Variants in MND1 observed in about 807,000 individuals in gnomAD.
MND1 encodes the protein meiotic nuclear division protein 1 homolog.
In MND1, 28 loss-of-function variants were observed where a neutral mutation model predicts 35.1. The observed-to-expected ratio is 0.80, with a 90% CI of 0.59 to 1.09. The LOEUF is 1.09. Ranked by LOEUF, MND1 falls within the 50% of genes least tolerant of loss-of-function variation. The pLI, the probability that MND1 is intolerant of heterozygous loss-of-function variation, is 0.00. For missense variants in MND1, 213 were observed against 239.6 expected, an observed-to-expected ratio of 0.89 and a Z score of 0.73; for synonymous variants, 69 against 70.5, an observed-to-expected ratio of 0.98 and a Z score of 0.11.
intron 4 of MND1, among the ~76,000 whole-genome samples, chr4:153,377,948 TC>T (rs1308912277): frequency 6.6e-6 from 1 of 152,210 alleles, no homozygotes; most frequent in African/African-American, 2.4e-5. Context: ...GCTGTGACTG[TC>T]TTTTATATAT....
chr4:153,377,832 T>C lies in MND1; in HGVS notation c.277-16430T>C, dbSNP rs1030355630. ...TTACATGCTGTGCCTGGCTTTTTTC[T>C]TTTTCTTTATCTATAATGGACCAAT... is the stretch of plus-strand genomic sequence containing the variant. On this transcript the variant is annotated intron_variant, in intron 4 of 7. Coordinates refer to ENST00000240488, the MANE Select transcript of MND1 (RefSeq NM_032117.4). Among the ~76,000 whole-genome samples, 22 of 152,198 alleles carry C rather than the reference T, an allele frequency of 1.4e-4. 1 individual carries two copies. Among genetic ancestry groups the C allele is most frequent in the Admixed American group, 1.4e-3 (22 of 15,272 alleles).
intron 2 of MND1, among the ~76,000 whole-genome samples, chr4:153,354,293 G>T (rs971890300): frequency 1.3e-5 from 2 of 152,160 alleles, no homozygotes; most frequent in Admixed American, 1.3e-4. Flanking sequence ...TTTAGGTATA[G>T]CTCTTCCATG....
intron 1 of MND1, among the ~76,000 whole-genome samples, chr4:153,348,730 C>CA (rs1773135717): frequency 6.6e-6 from 1 of 151,974 alleles, no homozygotes; most frequent in African/African-American, 2.4e-5. Context: ...AGGCTGGTCT[C>CA]AAACTCCCAG....
At chr4:153,396,033 C>T (rs1489020958) in intron 5 of MND1, among the ~76,000 whole-genome samples, 1 of 152,012 alleles carries the variant, frequency 6.6e-6, no homozygotes, top group Non-Finnish European at 1.5e-5. Context: ...TGACAGTGTT[C>T]CTTTTGAAGC....
intron 5 of MND1, among the ~76,000 whole-genome samples, chr4:153,395,766 T>G (rs1729182456): frequency 6.6e-6 from 1 of 152,226 alleles, no homozygotes; most frequent in South Asian, 2.1e-4. Flanking sequence ...GGCAAAGATC[T>G]CAGTGATAGT....
At position 153,344,726 on chromosome 4, in the gene MND1, T is replaced by G; in HGVS notation, c.-12T>G. ...CGCGGGCCCGGCCAGCGGAAGCCCC[T>G]GCGCCCGCGCCATGGTAAGGACTGA... On this transcript the variant is annotated 5_prime_UTR_variant, in exon 1 of 8. Coordinates refer to ENST00000240488, the MANE Select transcript of MND1 (RefSeq NM_032117.4). 1 of 1,593,880 alleles carries G rather than the reference T, an allele frequency of 6.3e-7. No homozygotes were observed. Among genetic ancestry groups the G allele is most frequent in the South Asian group, 1.1e-5 (1 of 88,254 alleles).
At chr4:153,386,965 C>G (rs975063192) in intron 4 of MND1, among the ~76,000 whole-genome samples, 2 of 152,136 alleles carry the variant, frequency 1.3e-5, no homozygotes, top group Non-Finnish European at 2.9e-5. Context: ...GGTGGAAAGG[C>G]AAATGAGGAT....
intron 6 of MND1, among the ~76,000 whole-genome samples, chr4:153,404,717 G>C (rs562700500): frequency 3.9e-5 from 6 of 151,996 alleles, no homozygotes; most frequent in Non-Finnish European, 8.8e-5. Flanking sequence ...GACCTCCGGT[G>C]ATCTGCCCGC....
intron 3 of MND1, among the ~76,000 whole-genome samples, chr4:153,357,172 C>T (rs1222362151): frequency 6.6e-6 from 1 of 151,902 alleles, no homozygotes; most frequent in Non-Finnish European, 1.5e-5. Flanking sequence ...TGTGTTGTTT[C>T]AAAATGAAAA....
At chr4:153,405,920 T>A (rs1008497813) in intron 6 of MND1, among the ~76,000 whole-genome samples, 1 of 152,112 alleles carries the variant, frequency 6.6e-6, no homozygotes, top group Non-Finnish European at 1.5e-5. Context: ...TTCTCCTGCC[T>A]CAACCTCCGA....
At chr4:153,368,447 C>T (rs886093374) in intron 4 of MND1, among the ~76,000 whole-genome samples, 11 of 152,200 alleles carry the variant, frequency 7.2e-5, no homozygotes, top group African/African-American at 2.7e-4. Flanking sequence ...AAAAAATACT[C>T]ATCTTTCCAG....
chr4:153,409,009 T>C lies in MND1; in HGVS notation c.505T>C (p.Trp169Arg), dbSNP rs2149659988. The part of the protein sequence containing the change: ...NKVAKEAANR[W>R]TDNIFAIKSW... ...AGTAGCCAAAGAAGCTGCTAACAGA[T>C]GGACTGGTATGTACTATAATAATGC... is the stretch of plus-strand genomic sequence containing the variant. Residue 169 changes from tryptophan to arginine, a missense_variant, in exon 7 of 8, where the codon TGG becomes CGG. Coordinates refer to ENST00000240488, the MANE Select transcript of MND1 (RefSeq NM_032117.4). 2 of 1,360,970 alleles carry C rather than the reference T, an allele frequency of 1.5e-6. No individual in the cohort carries two copies. The highest frequency in any genetic ancestry group is 2.0e-5 in the South Asian group (1 of 49,682). The allele number at this position is 1,360,970 out of a possible 1,614,324, so 84.3% of individuals were successfully genotyped here.
chr4:153,352,400 T>G (rs1337528679), intron 2 of MND1, among the ~76,000 whole-genome samples: 1 of 152,160 alleles, frequency 6.6e-6, no homozygotes. Flanking sequence ...ACTGAAAGCT[T>G]GCATCTGGAA....
intron 1 of MND1, among the ~76,000 whole-genome samples, chr4:153,349,843 C>T (rs1773166981): frequency 6.6e-6 from 1 of 152,158 alleles, no homozygotes; most frequent in Non-Finnish European, 1.5e-5. Flanking sequence ...TGAATTTCTA[C>T]AAAATGCCAG....
At chr4:153,347,509 A>G (rs752835214) in intron 1 of MND1, among the ~76,000 whole-genome samples, 3 of 152,208 alleles carry the variant, frequency 2.0e-5, no homozygotes, top group Non-Finnish European at 2.9e-5. Context: ...TAAGAGCTTT[A>G]TGTCTCCCTT....
intron 6 of MND1, among the ~76,000 whole-genome samples, chr4:153,402,766 G>A (rs934025385): frequency 6.6e-6 from 1 of 152,180 alleles, no homozygotes; most frequent in African/African-American, 2.4e-5. Context: ...TCTGTGGGGA[G>A]TGTTTGTCTA....
chr4:153,369,031 G>A (rs907085947), intron 4 of MND1, among the ~76,000 whole-genome samples: 30 of 152,298 alleles, frequency 2.0e-4, no homozygotes, highest in African/African-American at 7.2e-4. Context: ...TGTTGGCCAG[G>A]GCCATATTCT....
chr4:153,365,167 G>A (rs1168363314), intron 4 of MND1, among the ~76,000 whole-genome samples: 2 of 151,672 alleles, frequency 1.3e-5, no homozygotes, highest in African/African-American at 4.9e-5. Context: ...CATTGGCTAA[G>A]CCTGGGTCAC....
intron 3 of MND1, among the ~76,000 whole-genome samples, chr4:153,357,503 G>T (rs1041041719): frequency 1.3e-5 from 2 of 152,150 alleles, no homozygotes; most frequent in East Asian, 1.9e-4. Context: ...TCATTAAGTG[G>T]CAGTGGATCA....
Sources: gnomAD v4.1 joint callset for allele counts (sites outside exome capture counted in the v4.1 genomes callset) on GRCh38, gnomAD v4.1.1 for gene constraint, MANE v1.5 for transcripts, NCBI Gene and HGNC (gene_info 2026-07-23, HGNC 2026-07-21) for gene names.